The following WARS2 variants were observed in gnomAD, a reference collection of about 807,000 sequenced individuals.
WARS2 encodes tryptophanyl tRNA synthetase 2, mitochondrial.
In WARS2, 28 loss-of-function variants were observed where a neutral mutation model predicts 36.5. The observed-to-expected ratio is 0.77, with a 90% CI of 0.57 to 1.05. The LOEUF (loss-of-function observed/expected upper bound fraction) is 1.05. Among genes scored for constraint, WARS2 ranks in the 50% least tolerant of loss-of-function variants. The pLI, the probability that WARS2 is intolerant of heterozygous loss-of-function variation, is 0.00. For synonymous variants in WARS2, 174 were observed against 178.4 expected (o/e 0.98, Z 0.20); for missense variants, 435 against 456.8 (o/e 0.95, Z 0.44).
intron 2 of WARS2, among the ~76,000 whole-genome samples, chr1:119,065,217 TTGTC>T (rs1255623143): frequency 5.9e-5 from 9 of 152,280 alleles, no homozygotes; most frequent in African/African-American, 2.2e-4. Flanking sequence ...TATCACAACT[TTGTC>T]AATGCTGACA....
chr1:119,119,691 T>C (rs1478118142), intron 1 of WARS2, among the ~76,000 whole-genome samples: 4 of 152,042 alleles, frequency 2.6e-5, no homozygotes, highest in East Asian at 1.9e-4. Flanking sequence ...TTTAAGAGAA[T>C]TGAAATTATA....
chr1:119,124,240 C>G (rs1302661151), intron 1 of WARS2, among the ~76,000 whole-genome samples: 1 of 152,112 alleles, frequency 6.6e-6, no homozygotes, highest in Non-Finnish European at 1.5e-5. Flanking sequence ...TGCCTGTAAT[C>G]CCAACACTTT....
At chr1:119,104,808 T>A (rs370829431) in intron 1 of WARS2, among the ~76,000 whole-genome samples, 1 of 149,242 alleles carries the variant, frequency 6.7e-6, no homozygotes. Context: ...GAAATCAGTG[T>A]TCCTGGTGTG....
intron 1 of WARS2, among the ~76,000 whole-genome samples, chr1:119,124,453 G>A (rs1020560097): frequency 6.6e-6 from 1 of 152,116 alleles, no homozygotes; most frequent in African/African-American, 2.4e-5. Context: ...TAGTGCCACT[G>A]CACTCCAGCC....
intron 1 of WARS2, among the ~76,000 whole-genome samples, chr1:119,139,434 C>CATGGAACT (rs1656772651): frequency 6.6e-6 from 1 of 152,186 alleles, no homozygotes; most frequent in East Asian, 1.9e-4. Flanking sequence ...GCTTCATAAT[C>CATGGAACT]ATGGAACTAT....
At chr1:119,062,583 T>G (rs1650475656) in intron 2 of WARS2, among the ~76,000 whole-genome samples, 1 of 152,184 alleles carries the variant, frequency 6.6e-6, no homozygotes, top group Admixed American at 6.5e-5. Context: ...AATCTCAACT[T>G]GAATTGTATC....
Position 119,032,543 on chromosome 1 carries a change from A to C in WARS2, c.*368T>G. On this transcript the variant is annotated 3_prime_UTR_variant, in exon 6 of 6. Coordinates refer to ENST00000235521, the MANE Select transcript of WARS2 (RefSeq NM_015836.4). ...TTGCTTTATAAAAGGGTTGAAGTAG[A>C]TAACGTGTGCATCTGTTACAGTAAG... 1 of 230,288 alleles carries C rather than the reference A, an allele frequency of 4.3e-6. No homozygotes were observed. The highest frequency in any genetic ancestry group is 8.5e-6 in the Non-Finnish European group (1 of 117,674). 14.3% of individuals were successfully genotyped at this position (230,288 alleles called of 1,614,324 possible). A position where few individuals can be genotyped will look rare whatever the true frequency, so the allele number is the denominator to read the frequency against.
At chr1:119,064,907 T>A (rs1204230449) in intron 2 of WARS2, 2 of 152,120 alleles carry the variant, frequency 1.3e-5, no homozygotes, top group African/African-American at 4.8e-5. Context: ...AATAAAAAAT[T>A]TGAAATTCAC....
chr1:119,124,438 C>T (rs908960425), intron 1 of WARS2, among the ~76,000 whole-genome samples: 3 of 151,894 alleles, frequency 2.0e-5, no homozygotes, highest in African/African-American at 4.8e-5. Context: ...TGCAGTGAGC[C>T]GAGATAGTGC....
intron 1 of WARS2, among the ~76,000 whole-genome samples, chr1:119,132,353 G>A (rs1419681519): frequency 6.6e-6 from 1 of 152,200 alleles, no homozygotes; most frequent in Non-Finnish European, 1.5e-5. Flanking sequence ...AAGTTTGCCA[G>A]GTAGCTAGTA....
intron 2 of WARS2, among the ~76,000 whole-genome samples, chr1:119,067,313 T>C (rs1650958175): frequency 6.6e-6 from 1 of 152,140 alleles, no homozygotes; most frequent in Non-Finnish European, 1.5e-5. Flanking sequence ...CAGAGGAAAA[T>C]GGCGTTACAA....
intron 1 of WARS2, among the ~76,000 whole-genome samples, chr1:119,104,514 C>T (rs1272425346): frequency 1.3e-5 from 2 of 151,078 alleles, no homozygotes; most frequent in Non-Finnish European, 2.9e-5. Context: ...ATTTGTTCAG[C>T]ATCTAATATG....
intron 2 of WARS2, among the ~76,000 whole-genome samples, chr1:119,073,346 T>C (rs149393890): frequency 1.5e-4 from 23 of 152,192 alleles, no homozygotes; most frequent in African/African-American, 5.3e-4. Flanking sequence ...CATCCATCCA[T>C]AGAGTTGTAG....
rs1003432838 is a variant in WARS2, at chr1:119,033,163, C to G, written c.831G>C (p.Ala277=). ...AGRAGVSNIV[A]VHAAVTGLSV... ...AGAGCCCCGTCACCGCGGCATGCAC[C>G]GCCACTATGTTGGACACGCCAGCGC... Residue 277 remains alanine, a synonymous_variant, in exon 6 of 6, where the codon GCG becomes GCC. Transcript: ENST00000235521. 3 of 1,614,046 alleles carry G rather than the reference C, an allele frequency of 1.9e-6. No homozygotes were observed. In the Admixed American group the frequency reaches 5.0e-5, roughly 27 times the overall value.
intron 2 of WARS2, among the ~76,000 whole-genome samples, chr1:119,058,307 CTTT>C (rs56404141): frequency 7.8e-6 from 1 of 128,088 alleles, no homozygotes; most frequent in Non-Finnish European, 1.6e-5. Context: ...TTCCCTATTT[CTTT>C]TTTTTTTTTT....
At chr1:119,127,270 G>T in intron 1 of WARS2, 1 of 740,050 alleles carries the variant, frequency 1.4e-6, no homozygotes, top group Non-Finnish European at 2.4e-6. Flanking sequence ...TTCATAAGGC[G>T]CTTGTTCTTG....
At chr1:119,038,837 C>T (rs1232963627) in intron 4 of WARS2, among the ~76,000 whole-genome samples, 3 of 152,026 alleles carry the variant, frequency 2.0e-5, no homozygotes, top group Admixed American at 1.3e-4. Flanking sequence ...CACACCACCA[C>T]GCCCGGCTAA....
intron 1 of WARS2, among the ~76,000 whole-genome samples, chr1:119,104,632 AAAC>A (rs1654107372): frequency 6.6e-6 from 1 of 151,568 alleles, no homozygotes; most frequent in Non-Finnish European, 1.5e-5. Context: ...AAAAAAAAAA[AAAC>A]ATGGTGAAAT....
At chr1:119,109,833 C>G (rs891778285) in intron 1 of WARS2, among the ~76,000 whole-genome samples, 2 of 151,524 alleles carry the variant, frequency 1.3e-5, no homozygotes, top group Non-Finnish European at 1.5e-5. Flanking sequence ...CCATACTTTT[C>G]TGTAGTTTTT....
Sources: gnomAD v4.1 joint callset for allele counts (sites outside exome capture counted in the v4.1 genomes callset) on GRCh38, gnomAD v4.1.1 for gene constraint, MANE v1.5 for transcripts, NCBI Gene and HGNC (gene_info 2026-07-23, HGNC 2026-07-21) for gene names.